NKAIN3: variants seen among roughly 807,000 people sequenced by gnomAD.
NKAIN3 encodes sodium/potassium-transporting ATPase subunit beta-1-interacting protein 3.
A neutral mutation model predicts 30.2 loss-of-function variants in NKAIN3; 25 were observed. The ratio of observed to expected loss-of-function variants is 0.83; its 90% confidence interval spans 0.60 to 1.16. The LOEUF is 1.16. Ranked by LOEUF, NKAIN3 falls within the 50% of genes most tolerant of loss-of-function variation. NKAIN3 has a pLI of 0.00. For synonymous variants in NKAIN3, 91 were observed against 89.6 expected, an observed-to-expected ratio of 1.02 and a Z score of -0.09; for missense variants, 225 against 254.1, an observed-to-expected ratio of 0.89 and a Z score of 0.78.
chr8:62,519,239 G>A (rs1285501122), intron 1 of NKAIN3, among the ~76,000 whole-genome samples: 1 of 152,100 alleles, frequency 6.6e-6, no homozygotes, highest in African/African-American at 2.4e-5. Context: ...TGGAAGGAGG[G>A]TTGACTTGAT....
At chr8:62,888,253 G>C (rs1162051857) in intron 4 of NKAIN3, among the ~76,000 whole-genome samples, 1 of 152,180 alleles carries the variant, frequency 6.6e-6, no homozygotes, top group Non-Finnish European at 1.5e-5. Context: ...CTTGAGAGCA[G>C]GGCTTGTTAA....
intron 4 of NKAIN3, among the ~76,000 whole-genome samples, chr8:62,780,510 T>C (rs1817324695): frequency 6.6e-6 from 1 of 152,124 alleles, no homozygotes; most frequent in African/African-American, 2.4e-5. Flanking sequence ...CCTATATCAC[T>C]GATGAACATA....
At chr8:62,965,262 TATTTTG>T in intron 6 of NKAIN3, 86 bp from the exon 7 acceptor site, 1 of 983,128 alleles carries the variant, frequency 1.0e-6, no homozygotes, top group Non-Finnish European at 1.2e-6. Flanking sequence ...ACCCAGGAGC[TATTTTG>T]CATTTCAAAA....
At chr8:62,826,471 C>T (rs1043936082) in intron 4 of NKAIN3, among the ~76,000 whole-genome samples, 2 of 152,154 alleles carry the variant, frequency 1.3e-5, no homozygotes, top group African/African-American at 4.8e-5. Flanking sequence ...TTAGGCAGTA[C>T]ATATTAAAAT....
chr8:62,319,933 G>A (rs1282111585), intron 1 of NKAIN3, among the ~76,000 whole-genome samples: 3 of 152,066 alleles, frequency 2.0e-5, no homozygotes, highest in African/African-American at 2.4e-5. Flanking sequence ...ACAGTGGGGT[G>A]TTAAAGTCTC....
intron 1 of NKAIN3, among the ~76,000 whole-genome samples, chr8:62,533,591 G>A (rs933745006): frequency 6.6e-6 from 1 of 152,174 alleles, no homozygotes; most frequent in Non-Finnish European, 1.5e-5. Context: ...CTACTTGGAA[G>A]GCCCAGGAAA....
At chr8:62,374,449 G>A (rs1817012500) in intron 1 of NKAIN3, among the ~76,000 whole-genome samples, 1 of 152,172 alleles carries the variant, frequency 6.6e-6, no homozygotes, top group Non-Finnish European at 1.5e-5. Flanking sequence ...CAGTACATCA[G>A]TTACCTGAGA....
chr8:62,300,554 C>T (rs1814011485), intron 1 of NKAIN3, among the ~76,000 whole-genome samples: 1 of 151,926 alleles, frequency 6.6e-6, no homozygotes, highest in Non-Finnish European at 1.5e-5. Context: ...AAAAGTAAAT[C>T]AAAGTCTATG....
intron 4 of NKAIN3, among the ~76,000 whole-genome samples, chr8:62,893,782 T>C (rs1821358206): frequency 6.6e-6 from 1 of 152,200 alleles, no homozygotes; most frequent in African/African-American, 2.4e-5. Context: ...ATCAAATGGC[T>C]GGAATGATAG....
At chr8:62,734,294 CAAACA>C (rs1815578836) in intron 3 of NKAIN3, among the ~76,000 whole-genome samples, 1 of 152,136 alleles carries the variant, frequency 6.6e-6, no homozygotes, top group Non-Finnish European at 1.5e-5. Context: ...AACAAACAAA[CAAACA>C]AAACTTTTTA....
intron 1 of NKAIN3, among the ~76,000 whole-genome samples, chr8:62,496,441 T>C (rs963605250): frequency 6.6e-6 from 1 of 152,124 alleles, no homozygotes; most frequent in African/African-American, 2.4e-5. Flanking sequence ...TCTTCCTGGA[T>C]TATCAGAGAC....
At chr8:62,483,790 G>A (rs576909279) in intron 1 of NKAIN3, 86 of 245,650 alleles carry the variant, frequency 3.5e-4, no homozygotes, top group African/African-American at 1.7e-3. Context: ...TCCTCTACCA[G>A]CCTCCTGTTG....
chr8:62,436,628 G>A (rs1805182621), intron 1 of NKAIN3, among the ~76,000 whole-genome samples: 1 of 152,068 alleles, frequency 6.6e-6, no homozygotes, highest in Non-Finnish European at 1.5e-5. Context: ...ATAGAAATTA[G>A]AGACCATCTT....
At chr8:62,361,272 A>C (rs538802823) in intron 1 of NKAIN3, among the ~76,000 whole-genome samples, 2 of 152,254 alleles carry the variant, frequency 1.3e-5, no homozygotes, top group Non-Finnish European at 1.5e-5. Flanking sequence ...GCTCATTTCT[A>C]TATGACCTGA....
intron 1 of NKAIN3, among the ~76,000 whole-genome samples, chr8:62,553,264 A>G (rs1158331758): frequency 6.6e-6 from 1 of 152,170 alleles, no homozygotes; most frequent in African/African-American, 2.4e-5. Flanking sequence ...TTATGATTTA[A>G]AGCAAGATTG....
At chr8:62,579,401 A>G in intron 1 of NKAIN3, 138 bp from the exon 2 acceptor site, 1 of 591,642 alleles carries the variant, frequency 1.7e-6, no homozygotes, top group Non-Finnish European at 2.8e-6. Context: ...TGAAATAAGA[A>G]TGAAAATTCT....
chr8:62,426,705 AG>A (rs1287423748), intron 1 of NKAIN3, among the ~76,000 whole-genome samples: 1 of 152,022 alleles, frequency 6.6e-6, no homozygotes, highest in Non-Finnish European at 1.5e-5. Context: ...AGTAAAAAAA[AG>A]GCTGAAGTGA....
At chr8:62,680,479 T>G (rs1159661200) in intron 3 of NKAIN3, among the ~76,000 whole-genome samples, 1 of 152,208 alleles carries the variant, frequency 6.6e-6, no homozygotes, top group Non-Finnish European at 1.5e-5. Flanking sequence ...CATTCATGAC[T>G]TAAAAAGGAT....
intron 1 of NKAIN3, among the ~76,000 whole-genome samples, chr8:62,252,493 TCA>T (rs1812140734): frequency 1.3e-5 from 2 of 152,226 alleles, no homozygotes; most frequent in African/African-American, 4.8e-5. Flanking sequence ...TTGCAAAATC[TCA>T]GTCATTTTCT....
Sources: gnomAD v4.1 joint callset for allele counts (sites outside exome capture counted in the v4.1 genomes callset) on GRCh38, gnomAD v4.1.1 for gene constraint, MANE v1.5 for transcripts, NCBI Gene and HGNC (gene_info 2026-07-23, HGNC 2026-07-21) for gene names.